The following RALGDS variants were observed in gnomAD, a reference collection of about 807,000 sequenced individuals.
RALGDS encodes the protein ral guanine nucleotide exchange factor.
A neutral mutation model predicts 99.8 loss-of-function variants in RALGDS; 44 were observed. The ratio of observed to expected loss-of-function variants is 0.44; its 90% CI spans 0.35 to 0.57. The LOEUF is 0.57. RALGDS is among the 20% of genes least tolerant of loss of function. The pLI is 0.01. For missense variants in RALGDS, 1,022 were observed against 1,203.1 expected (o/e 0.85, Z 2.23); for synonymous variants, 529 against 505.0 (o/e 1.05, Z -0.64).
chr9:133,148,129 C>T (rs1188504638), intron 1 of RALGDS, among the ~76,000 whole-genome samples: 2 of 152,178 alleles, frequency 1.3e-5, no homozygotes, highest in Admixed American at 6.5e-5. Flanking sequence ...GTAGTGGGGG[C>T]ATCCCCAGTG....
In RALGDS at chr9:133,098,774, G is replaced by A. The variant is rs1194217583; in HGVS notation, c.2570-12C>T. 1.2e-6 allele frequency: 2 copies of A among 1,613,578 alleles called. No homozygotes were observed. The highest frequency in any genetic ancestry group is 1.7e-6 in the Non-Finnish European group (2 of 1,179,860). ...AGGGATCTTCAGCTCTGGTGGGGAG[G>A]GGCAGAGGGGTGATCAGGGATGCTC... On this transcript the variant is annotated splice_polypyrimidine_tract_variant and intron_variant, in intron 17 of 17. Coordinates refer to ENST00000372050, the MANE Select transcript of RALGDS (RefSeq NM_006266.4).
chr9:133,114,829 G>A (rs900292668), intron 1 of RALGDS, among the ~76,000 whole-genome samples: 2 of 152,236 alleles, frequency 1.3e-5, no homozygotes, highest in Non-Finnish European at 2.9e-5. Context: ...GACCCAGTCG[G>A]CAGCTGTGCC....
rs914240452 is a variant in RALGDS at position 133,106,090 on chromosome 9, T to G, written c.1518-74A>C. On this transcript the variant is annotated intron_variant, in intron 8 of 17. Transcript: ENST00000372050. ...GGGTGTGAGTGCAAATCCGTTTTAT[T>G]TTAGAGCTGAAAGACCCCAGACTGC... The G allele has an allele frequency of 4.1e-6, 5 of 1,212,816 alleles. No homozygotes were observed. The African/African-American group carries it at 4.6e-5, about 11-fold the overall frequency. 75.1% of individuals were successfully genotyped at this position (1,212,816 alleles called of 1,614,324 possible). A position where few individuals can be genotyped will look rare whatever the true frequency, so the allele number is the denominator to read the frequency against.
chr9:133,138,229 G>A (rs1201325686), intron 1 of RALGDS, among the ~76,000 whole-genome samples: 1 of 152,198 alleles, frequency 6.6e-6, no homozygotes, highest in Admixed American at 6.5e-5. Context: ...CCTGCAAGAA[G>A]TTCCCCAGGG....
intron 8 of RALGDS, 51 bp downstream of exon 8, chr9:133,106,594 C>T (rs770758627): frequency 1.4e-6 from 2 of 1,399,402 alleles, no homozygotes; most frequent in Non-Finnish European, 2.0e-6. Context: ...GTGATGCCAG[C>T]CCTGTGGGAG....
rs925436068 is a variant in RALGDS at position 133,098,482 on chromosome 9, G to C, written c.*105C>G. On this transcript the variant is annotated 3_prime_UTR_variant, in exon 18 of 18. Transcript: ENST00000372050. Reference sequence around the variant, plus strand: ...GAGGTTCAGGATGAAACTGGAGTCTGGGGTACCCTGGGCTGGCAGGTGGGA... The same window carrying C: ...GAGGTTCAGGATGAAACTGGAGTCTCGGGTACCCTGGGCTGGCAGGTGGGA... 3 of 1,205,950 alleles carry C rather than the reference G, an allele frequency of 2.5e-6. No individual in the cohort carries two copies. Among genetic ancestry groups the C allele is most frequent in the Non-Finnish European group, 3.6e-6 (3 of 832,830 alleles). The allele number at this position is 1,205,950 out of a possible 1,614,324, so 74.7% of individuals were successfully genotyped here. A position where few individuals can be genotyped will look rare whatever the true frequency, so the allele number is the denominator to read the frequency against.
exon 1 of RALGDS, chr9:133,149,005 G>T: frequency 6.4e-7 from 1 of 1,558,866 alleles, no homozygotes. Flanking sequence ...GCACATCGCC[G>T]GCCCCAGGGC....
intron 1 of RALGDS, among the ~76,000 whole-genome samples, chr9:133,142,922 C>T (rs1046651850): frequency 7.9e-5 from 12 of 152,188 alleles, no homozygotes; most frequent in African/African-American, 2.4e-4. Context: ...TGTGTGCACA[C>T]GGGGAGGCGC....
At chr9:133,124,003 C>G (rs866966750), upstream of RALGDS, among the ~76,000 whole-genome samples, 7 of 132,412 alleles carry the variant, frequency 5.3e-5, 1 homozygote, top group East Asian at 4.2e-4. Context: ...CACACACACA[C>G]AGAGACACAA....
intron 1 of RALGDS, among the ~76,000 whole-genome samples, chr9:133,137,297 T>G (rs1037026886): frequency 1.1e-4 from 17 of 152,242 alleles, no homozygotes; most frequent in Non-Finnish European, 2.2e-4. Context: ...GGGGAGTTTG[T>G]AAGCTCCTTG....
In RALGDS at chr9:133,109,475, G is replaced by A. The variant is rs532514103; in HGVS notation, c.584+151C>T. The A allele has an allele frequency of 4.7e-3, 3,526 of 751,358 alleles. 21 individuals are homozygous for A. The highest frequency in any genetic ancestry group is 0.013 in the Middle Eastern group (33 of 2,636). 46.5% of individuals were successfully genotyped at this position (751,358 alleles called of 1,614,324 possible). On this transcript the variant is annotated intron_variant, in intron 4 of 17. Coordinates refer to ENST00000372050, the MANE Select transcript of RALGDS (RefSeq NM_006266.4). ...GGTCGTCTTTCTTCCTGCAGGCGAAGCCCCCAGACCCCAGCCCTCTAGCAG... is the reference window on the plus strand; with the variant it reads ...GGTCGTCTTTCTTCCTGCAGGCGAAACCCCCAGACCCCAGCCCTCTAGCAG...
In RALGDS at chr9:133,098,584, C is replaced by A. The variant is rs1215522632; in HGVS notation, c.*3G>T. 3 of 1,613,938 alleles carry A rather than the reference C, an allele frequency of 1.9e-6. No homozygotes were observed. Among genetic ancestry groups the A allele is most frequent in the Non-Finnish European group, 2.5e-6 (3 of 1,179,984 alleles). On this transcript the variant is annotated 3_prime_UTR_variant, in exon 18 of 18. Transcript: ENST00000372050. Reference sequence around the variant, plus strand: ...CAGCCAGCCAGACCCTGGGAGGATGCCCTCAGAAGATGCCCTTGGCAATCT... The same window carrying A: ...CAGCCAGCCAGACCCTGGGAGGATGACCTCAGAAGATGCCCTTGGCAATCT...
intron 17 of RALGDS, chr9:133,099,647 CATACATATACACAT>C (rs1830662372): frequency 1.5e-4 from 1 of 6,592 alleles, no homozygotes; most frequent in Non-Finnish European, 6.3e-4. Context: ...CACATATATA[CATACATATACACAT>C]ATATACATAC....
rs375434567 is a variant in RALGDS, at chr9:133,109,607, T to C, written c.584+19A>G. 155 of 1,597,970 alleles carry C rather than the reference T, an allele frequency of 9.7e-5. 1 individual carries two copies. Among genetic ancestry groups the C allele is most frequent in the African/African-American group, 7.2e-4 (54 of 74,724 alleles). On this transcript the variant is annotated intron_variant, in intron 4 of 17. Coordinates refer to ENST00000372050, the MANE Select transcript of RALGDS (RefSeq NM_006266.4). ...CGGTGGGGACAGGGTCCCTTCCTCT[T>C]GGCTCAAAGCTCACTCACTTTTTAA...
chr9:133,121,288 C>G, upstream of RALGDS: 1 of 558,712 alleles, frequency 1.8e-6, no homozygotes, highest in Non-Finnish European at 2.3e-6. Context: ...GGGGCGGGGC[C>G]GGAGGGGAAG....
Position 133,107,900 on chromosome 9 carries a change from A to G in RALGDS, c.1197+88T>C, listed in dbSNP as rs1831151300. 4.6e-6 allele frequency: 7 copies of G among 1,506,238 alleles called. No homozygotes were observed. The African/African-American group carries it at 8.2e-5, about 18-fold the overall frequency. 93.3% of individuals were successfully genotyped at this position (1,506,238 alleles called of 1,614,324 possible). A position where few individuals can be genotyped will look rare whatever the true frequency, so the allele number is the denominator to read the frequency against. ...AGAGCTGGGATTTGACCAGAACATC[A>G]GCTCTGGATCAGCAAATGGTAGGTC... On this transcript the variant is annotated intron_variant, in intron 6 of 17. Coordinates refer to ENST00000372050, the MANE Select transcript of RALGDS (RefSeq NM_006266.4).
At chr9:133,116,371 G>C (rs1831610021) in intron 1 of RALGDS, among the ~76,000 whole-genome samples, 2 of 152,254 alleles carry the variant, frequency 1.3e-5, no homozygotes, top group African/African-American at 4.8e-5. Flanking sequence ...GTGGAGGCTG[G>C]GAACCAACCA....
upstream of RALGDS, among the ~76,000 whole-genome samples, chr9:133,132,185 A>G (rs546993234): frequency 6.6e-6 from 1 of 152,384 alleles, no homozygotes; most frequent in African/African-American, 2.4e-5. Flanking sequence ...AAGCACACAC[A>G]GATGGGTACT....
chr9:133,148,868 C>A, intron 1 of RALGDS: 2 of 1,467,628 alleles, frequency 1.4e-6, no homozygotes, highest in Non-Finnish European at 1.9e-6. Flanking sequence ...TCAGCGTGGA[C>A]GCGGCGCCGG....
Sources: gnomAD v4.1 joint callset for allele counts (sites outside exome capture counted in the v4.1 genomes callset) on GRCh38, gnomAD v4.1.1 for gene constraint, MANE v1.5 for transcripts, NCBI Gene and HGNC (gene_info 2026-07-23, HGNC 2026-07-21) for gene names.